Variants in SYNJ1 observed in about 807,000 individuals in gnomAD.
SYNJ1 encodes the protein polyphosphatidylinositol phosphatase SYNJ1.
Under a neutral mutation model 168.2 loss-of-function variants are expected in SYNJ1, and 78 were observed. The observed-to-expected ratio is 0.46, with a 90% CI of 0.39 to 0.56. The LOEUF is 0.56. Among genes scored for constraint, SYNJ1 ranks in the 20% least tolerant of loss-of-function variants. SYNJ1 has a pLI of 0.00. For synonymous variants in SYNJ1, 539 were observed against 548.6 expected (o/e 0.98, Z 0.24); for missense variants, 1,303 against 1,597.6 (o/e 0.82, Z 3.14).
At position 32,673,415 on chromosome 21, in the gene SYNJ1, T is replaced by C; in HGVS notation, c.1651A>G (p.Ile551Val). 1 of 1,614,076 alleles carries C rather than the reference T, an allele frequency of 6.2e-7. No individual in the cohort carries two copies. The highest frequency in any genetic ancestry group is 8.5e-7 in the Non-Finnish European group (1 of 1,179,972). Residue 551 changes from isoleucine (I) to valine (V), a missense_variant, in exon 14 of 33, where the codon ATA becomes GTA. Physicochemically the swap from Ile to Val is conservative, Grantham distance 29. This residue lies in a region of SYNJ1 where 920 missense variants were observed against 1,208.8 expected (regional missense o/e 0.76). Transcript: ENST00000674351. ...GTGAGTGTCTGATTCTTAAAAGCTA[T>C]GCTGCGAAATTGCTTCCCACCATTC... The part of the protein sequence containing the change: ...NVNGGKQFRS[I>V]AFKNQTLTDW...
rs528878972 is a variant in SYNJ1 at position 32,634,204 on chromosome 21, G to A, written c.*3+657C>T. Among the ~76,000 whole-genome samples, 203 of 152,100 alleles carry A rather than the reference G, an allele frequency of 1.3e-3. 1 individual carries two copies. The highest frequency in any genetic ancestry group is 2.5e-3 in the Non-Finnish European group (173 of 68,004). ...TAAGAAAATTTTTATTTCAAAATAAGTTAATTTGATAGAATCAGGATCATT... is the reference window on the plus strand; with the variant it reads ...TAAGAAAATTTTTATTTCAAAATAAATTAATTTGATAGAATCAGGATCATT... On this transcript the variant is annotated intron_variant, in intron 32 of 32. Transcript: ENST00000674351.
chr21:32,700,199 G>T, intron 3 of SYNJ1, 94 bp from the exon 4 acceptor site: 1 of 1,397,764 alleles, frequency 7.2e-7, no homozygotes, highest in Non-Finnish European at 9.6e-7. Flanking sequence ...ATCTGACATT[G>T]TGATTATTTT....
intron 2 of SYNJ1, among the ~76,000 whole-genome samples, chr21:32,723,230 C>T (rs1389058787): frequency 1.3e-5 from 2 of 152,196 alleles, no homozygotes; most frequent in African/African-American, 4.8e-5. Flanking sequence ...TTTTTACTTG[C>T]AATCTTTTGG....
rs759113240 is a variant in SYNJ1, at chr21:32,695,633, ATATTTATTTATTTATTTATT to A, written c.480-371_480-352del. Among the ~76,000 whole-genome samples, 13 of 148,034 alleles carry A rather than the reference ATATTTATTTATTTATTTATT, an allele frequency of 8.8e-5. 1 individual carries two copies. The highest frequency in any genetic ancestry group is 3.0e-4 in the African/African-American group (12 of 40,316). On this transcript the variant is annotated intron_variant, in intron 4 of 32. Transcript: ENST00000674351. Reference sequence around the variant, plus strand: ...TTATGAAGCTCTACTTTTTAAAAAAATATTTATTTATTTATTTATTTATTTATTTATTTATTTATTTATTT... The same window carrying A: ...TTATGAAGCTCTACTTTTTAAAAAAATATTTATTTATTTATTTATTTATTT...
rs1175136678 is a variant in SYNJ1, at chr21:32,685,984, A to G, written c.949-67T>C. The G allele has an allele frequency of 2.0e-6, 3 of 1,496,732 alleles. No homozygotes were observed. In the East Asian group the frequency reaches 7.3e-5, roughly 36 times the overall value. 92.7% of individuals were successfully genotyped at this position (1,496,732 alleles called of 1,614,324 possible). ...AAGGCAAATATCCATCTAAATATTC[A>G]TCACATTTCATTGACACTGGCAATA... On this transcript the variant is annotated intron_variant, in intron 8 of 32. Transcript: ENST00000674351.
Position 32,645,799 on chromosome 21 carries a change from G to A in SYNJ1, c.3248-10C>T. On this transcript the variant is annotated splice_polypyrimidine_tract_variant and intron_variant, in intron 24 of 32. Transcript: ENST00000674351. ...GCGTCAATAGGAGAACCTAAAAAGC[G>A]CACAGGAGGTAAGAAGATCAGCTTC... 4.0e-6 allele frequency: 6 copies of A among 1,490,766 alleles called. No individual in the cohort carries two copies. The highest frequency in any genetic ancestry group is 1.8e-4 in the Middle Eastern group (1 of 5,700). 92.3% of individuals were successfully genotyped at this position (1,490,766 alleles called of 1,614,324 possible).
In SYNJ1 at chr21:32,631,059, G is replaced by C; in HGVS notation, c.*746C>G. On this transcript the variant is annotated 3_prime_UTR_variant, in exon 33 of 33. Transcript: ENST00000674351. ...GGCCAAGGTCGTGAAAGGATCTACTGGAGGGCTGGTGCCGGGCGGGAGCAG... is the reference window on the plus strand; with the variant it reads ...GGCCAAGGTCGTGAAAGGATCTACTCGAGGGCTGGTGCCGGGCGGGAGCAG... 2 of 1,614,124 alleles carry C rather than the reference G, an allele frequency of 1.2e-6. No individual in the cohort carries two copies. The highest frequency in any genetic ancestry group is 2.2e-5 in the South Asian group (2 of 91,072).
Position 32,699,942 on chromosome 21 carries a change from T to C in SYNJ1, c.375A>G (p.Ser125=). Residue 125 remains serine, a synonymous_variant, in exon 4 of 33, where the codon TCA becomes TCG. Transcript: ENST00000674351. ...CAGACCATGCAAAATAAAAGTTTCC[T>C]GAATTCAAAACTTTCCGCACTTCTG... ...RISEVRKVLN[S]GNFYFAWSAS... 1 of 1,614,202 alleles carries C rather than the reference T, an allele frequency of 6.2e-7. No individual in the cohort carries two copies.
intron 11 of SYNJ1, among the ~76,000 whole-genome samples, chr21:32,681,022 G>A (rs2041601319): frequency 6.6e-6 from 1 of 152,184 alleles, no homozygotes; most frequent in African/African-American, 2.4e-5. Flanking sequence ...CACTGCATAA[G>A]CTGTTGATGG....
upstream of SYNJ1, chr21:32,728,140 G>T (rs2043565368): frequency 7.4e-7 from 1 of 1,359,700 alleles, no homozygotes; most frequent in Non-Finnish European, 9.6e-7. Flanking sequence ...GCTGGGCCTG[G>T]CACCCGCGGG....
At chr21:32,689,592 G>A (rs193256142) in intron 6 of SYNJ1, among the ~76,000 whole-genome samples, 7 of 152,350 alleles carry the variant, frequency 4.6e-5, no homozygotes, top group Admixed American at 6.5e-5. Context: ...ACCGCGCCCC[G>A]CGCAAAGTGC....
intron 6 of SYNJ1, among the ~76,000 whole-genome samples, chr21:32,691,129 T>C (rs1371228686): frequency 1.3e-5 from 2 of 152,314 alleles, no homozygotes; most frequent in Admixed American, 6.5e-5. Flanking sequence ...TCATTCTGAA[T>C]TGTAACCCCC....
Position 32,688,303 on chromosome 21 carries a change from T to C in SYNJ1, c.851+3A>G. ...TTAAAGCACTATGTAAAAATTGTCT[T>C]ACCTGTCAAAAGCAGGTGCATTGGC... On this transcript the variant is annotated splice_donor_region_variant and intron_variant, in intron 7 of 32. Coordinates refer to ENST00000674351, the MANE Select transcript of SYNJ1 (RefSeq NM_203446.3). 1 of 1,613,106 alleles carries C rather than the reference T, an allele frequency of 6.2e-7. No individual in the cohort carries two copies. The highest frequency in any genetic ancestry group is 8.5e-7 in the Non-Finnish European group (1 of 1,179,464).
chr21:32,667,604 C>T (rs924612581), intron 15 of SYNJ1, among the ~76,000 whole-genome samples: 2 of 152,078 alleles, frequency 1.3e-5, no homozygotes, highest in African/African-American at 4.8e-5. Flanking sequence ...TGGGGTCTCA[C>T]TCTGTCACCC....
At chr21:32,642,644 T>A (rs1289967668) in intron 27 of SYNJ1, among the ~76,000 whole-genome samples, 2 of 152,222 alleles carry the variant, frequency 1.3e-5, no homozygotes, top group African/African-American at 4.8e-5. Flanking sequence ...CTTTCGGATT[T>A]CTATAACAAA....
rs749466069 is a variant in SYNJ1 at position 32,670,238 on chromosome 21, A to T, written c.1811+50T>A. On this transcript the variant is annotated intron_variant, in intron 15 of 32. Transcript: ENST00000674351. ...AATTACTTAATTATCTGTCCTCCATAGTTTCCCTCAACTGGCAAATTTTTC... is the reference window on the plus strand; with the variant it reads ...AATTACTTAATTATCTGTCCTCCATTGTTTCCCTCAACTGGCAAATTTTTC... The T allele has an allele frequency of 9.0e-6, 13 of 1,437,220 alleles. 1 individual carries two copies. In the South Asian group the frequency reaches 1.5e-4, roughly 17 times the overall value. The allele number at this position is 1,437,220 out of a possible 1,614,324, so 89.0% of individuals were successfully genotyped here. A position where few individuals can be genotyped will look rare whatever the true frequency, so the allele number is the denominator to read the frequency against.
intron 10 of SYNJ1, among the ~76,000 whole-genome samples, chr21:32,683,004 A>G (rs905798534): frequency 2.6e-5 from 4 of 152,180 alleles, no homozygotes; most frequent in Non-Finnish European, 5.9e-5. Flanking sequence ...ATTTAGTTAC[A>G]TGAAAAATAT....
At chr21:32,720,354 A>C (rs1344726626) in intron 2 of SYNJ1, among the ~76,000 whole-genome samples, 2 of 152,236 alleles carry the variant, frequency 1.3e-5, no homozygotes, top group Non-Finnish European at 2.9e-5. Flanking sequence ...AGCTTCCAGT[A>C]AGTGGTAGCC....
rs776865344 is a variant in SYNJ1 at position 32,656,748 on chromosome 21, C to T, written c.2734G>A (p.Asp912Asn). The T allele has an allele frequency of 6.2e-6, 10 of 1,614,030 alleles. No individual in the cohort carries two copies. Among genetic ancestry groups the T allele is most frequent in the Non-Finnish European group, 8.5e-6 (10 of 1,179,996 alleles). ...SSLPENNFFD[D>N]ALIDELLQQF... ...TGCAGAAGCTCATCAATCAAGGCAT[C>T]ATCAAAAAAATTATTTTCTGGTAAA... The change falls in exon 21 of 33, where the codon GAT becomes AAT. Residue 912 changes from aspartate to asparagine, a missense_variant. Asp to Asn is a conservative substitution (Grantham distance 23). Transcript: ENST00000674351.
Sources: allele counts gnomAD v4.1 joint callset (sites outside exome capture counted in the v4.1 genomes callset), GRCh38; gene constraint gnomAD v4.1.1; regional missense constraint gnomAD v4.1.1; transcripts MANE v1.5; gene names NCBI Gene and HGNC (gene_info 2026-07-23, HGNC 2026-07-21).